CACNA2D3: variants seen among roughly 807,000 people sequenced by gnomAD.
The protein encoded by CACNA2D3 is calcium voltage-gated channel auxiliary subunit alpha2delta 3.
A neutral mutation model predicts 160.6 loss-of-function variants in CACNA2D3; 60 were observed. The ratio of observed to expected loss-of-function variants is 0.37; its 90% CI spans 0.30 to 0.46. The LOEUF (loss-of-function observed/expected upper bound fraction) is 0.46. Ranked by LOEUF, CACNA2D3 falls within the 20% of genes least tolerant of loss-of-function variation. The pLI is 1.00. For missense variants in CACNA2D3, 1,205 were observed against 1,365.0 expected (o/e 0.88, Z 1.85); for synonymous variants, 558 against 492.9 (o/e 1.13, Z -1.75).
intron 31 of CACNA2D3, among the ~76,000 whole-genome samples, chr3:55,001,938 C>T (rs2107133875): frequency 2.0e-5 from 3 of 152,300 alleles, no homozygotes; most frequent in Middle Eastern, 6.8e-3. Context: ...GCAGGTGGAT[C>T]ACAAGGTCAG....
intron 11 of CACNA2D3, among the ~76,000 whole-genome samples, chr3:54,654,481 C>G (rs1192192583): frequency 6.6e-6 from 1 of 151,964 alleles, no homozygotes; most frequent in African/African-American, 2.4e-5. Context: ...GATGAAAGGA[C>G]AAAAGATAAC....
intron 27 of CACNA2D3, among the ~76,000 whole-genome samples, chr3:54,968,202 G>A (rs1044529526): frequency 6.6e-6 from 1 of 152,018 alleles, no homozygotes; most frequent in Admixed American, 6.6e-5. Context: ...TAGAAATGCC[G>A]AAGTAACATG....
chr3:54,432,712 T>G (rs1281109239), intron 4 of CACNA2D3, among the ~76,000 whole-genome samples: 1 of 152,154 alleles, frequency 6.6e-6, no homozygotes, highest in Non-Finnish European at 1.5e-5. Context: ...GTATATAGAT[T>G]TTTTTCTTTT....
intron 2 of CACNA2D3, among the ~76,000 whole-genome samples, chr3:54,207,948 C>T (rs1701302359): frequency 6.6e-6 from 1 of 152,214 alleles, no homozygotes; most frequent in African/African-American, 2.4e-5. Flanking sequence ...TGTGAATCCA[C>T]ATCCCCTGCC....
chr3:54,781,707 A>G (rs1255474531), intron 13 of CACNA2D3, among the ~76,000 whole-genome samples: 1 of 152,264 alleles, frequency 6.6e-6, no homozygotes, highest in African/African-American at 2.4e-5. Context: ...GTGAGGCTGT[A>G]ACAAGTCTCA....
At chr3:54,349,340 C>T (rs985698627) in intron 3 of CACNA2D3, among the ~76,000 whole-genome samples, 3 of 152,132 alleles carry the variant, frequency 2.0e-5, no homozygotes, top group Non-Finnish European at 4.4e-5. Flanking sequence ...TGGTTCTGAA[C>T]GTTGCGCTTT....
intron 34 of CACNA2D3, among the ~76,000 whole-genome samples, chr3:55,010,783 G>A (rs1318034732): frequency 1.3e-5 from 2 of 152,072 alleles, no homozygotes; most frequent in Non-Finnish European, 2.9e-5. Flanking sequence ...ACTCCCTCAG[G>A]CAGAATGAAC....
At chr3:54,308,590 A>G (rs1347557471) in intron 2 of CACNA2D3, among the ~76,000 whole-genome samples, 1 of 152,120 alleles carries the variant, frequency 6.6e-6, no homozygotes, top group Non-Finnish European at 1.5e-5. Context: ...ATAAACCTTT[A>G]TTGTGTGAAG....
intron 35 of CACNA2D3, among the ~76,000 whole-genome samples, chr3:55,022,086 A>T (rs1394980485): frequency 1.3e-5 from 2 of 152,062 alleles, no homozygotes; most frequent in African/African-American, 2.4e-5. Flanking sequence ...CACCAGGCTT[A>T]TGGACGTTTT....
chr3:54,323,373 G>T (rs1055589648), intron 3 of CACNA2D3, among the ~76,000 whole-genome samples: 1 of 152,098 alleles, frequency 6.6e-6, no homozygotes, highest in African/African-American at 2.4e-5. Flanking sequence ...ATGCACCACT[G>T]TGAGACAAGG....
intron 31 of CACNA2D3, 60 bp from the exon 32 acceptor site, chr3:55,004,703 C>A: frequency 1.8e-6 from 2 of 1,098,620 alleles, no homozygotes; most frequent in Non-Finnish European, 2.8e-6. Flanking sequence ...TAGTACATAG[C>A]ATCAATTGGT....
intron 11 of CACNA2D3, among the ~76,000 whole-genome samples, chr3:54,717,542 G>A (rs1208306729): frequency 8.9e-6 from 1 of 112,602 alleles, no homozygotes; most frequent in Middle Eastern, 4.7e-3. Context: ...TGTGTGGTGT[G>A]CATGTGTGGT....
At chr3:54,533,902 A>C (rs1159388839) in intron 5 of CACNA2D3, among the ~76,000 whole-genome samples, 1 of 152,110 alleles carries the variant, frequency 6.6e-6, no homozygotes, top group Admixed American at 6.5e-5. Flanking sequence ...AAAAATATAC[A>C]GGTGTTCTTT....
chr3:54,197,723 C>T (rs201516000), intron 2 of CACNA2D3, among the ~76,000 whole-genome samples: 6 of 152,120 alleles, frequency 3.9e-5, no homozygotes, highest in South Asian at 2.1e-4. Flanking sequence ...GATCTGCAGG[C>T]GGCTGGGAGC....
intron 6 of CACNA2D3, among the ~76,000 whole-genome samples, chr3:54,565,057 G>A (rs1398576868): frequency 6.6e-6 from 1 of 152,174 alleles, no homozygotes; most frequent in African/African-American, 2.4e-5. Flanking sequence ...GGTTCCAGGG[G>A]AGGAGACAGC....
intron 2 of CACNA2D3, among the ~76,000 whole-genome samples, chr3:54,246,972 C>T (rs1702093188): frequency 6.6e-6 from 1 of 152,122 alleles, no homozygotes; most frequent in African/African-American, 2.4e-5. Flanking sequence ...AGACTAACAT[C>T]TCTACATCAG....
At chr3:55,012,211 G>A (rs1187270918) in intron 34 of CACNA2D3, among the ~76,000 whole-genome samples, 1 of 152,172 alleles carries the variant, frequency 6.6e-6, no homozygotes, top group Non-Finnish European at 1.5e-5. Flanking sequence ...GACATAATAT[G>A]GTTGTGAGAG....
At chr3:54,651,996 C>G (rs1699774015) in intron 11 of CACNA2D3, among the ~76,000 whole-genome samples, 1 of 152,022 alleles carries the variant, frequency 6.6e-6, no homozygotes, top group Non-Finnish European at 1.5e-5. Context: ...ACTTTAAAAT[C>G]ATTTTACAAA....
At chr3:54,298,944 TAAAAAAAAAAA>T (rs59100168) in intron 2 of CACNA2D3, among the ~76,000 whole-genome samples, 151 of 99,334 alleles carry the variant, frequency 1.5e-3, no homozygotes, top group African/African-American at 5.6e-3. Context: ...CTCTGTTTCT[TAAAAAAAAAAA>T]AAAAAAAAAA....
Sources: allele counts gnomAD v4.1 joint callset (sites outside exome capture counted in the v4.1 genomes callset), GRCh38; gene constraint gnomAD v4.1.1; transcripts MANE v1.5; gene names NCBI Gene and HGNC (gene_info 2026-07-23, HGNC 2026-07-21).